The following FAM120B variants were observed in gnomAD, a reference collection of about 807,000 sequenced individuals.
FAM120B encodes the protein constitutive coactivator of peroxisome proliferator-activated receptor gamma.
In FAM120B, 83 loss-of-function variants were observed where a neutral mutation model predicts 96.3. The ratio of observed to expected loss-of-function variants is 0.86; its 90% CI spans 0.72 to 1.03. The LOEUF is 1.03. Ranked by LOEUF, FAM120B falls within the 50% of genes least tolerant of loss-of-function variation. The probability of loss-of-function intolerance (pLI) is 0.00; values close to 1 mark genes in which losing one functional copy is unlikely to be tolerated. For synonymous variants in FAM120B, 407 were observed against 402.7 expected (o/e 1.01, Z -0.13); for missense variants, 1,027 against 1,121.2 (o/e 0.92, Z 1.20).
At chr6:170,390,737 T>C (rs975571587) in intron 7 of FAM120B, among the ~76,000 whole-genome samples, 1 of 152,230 alleles carries the variant, frequency 6.6e-6, no homozygotes, top group African/African-American at 2.4e-5. Flanking sequence ...TTGAAGATTC[T>C]TTTTTAGAAA....
chr6:170,333,782 C>T (rs374353597), intron 4 of FAM120B, among the ~76,000 whole-genome samples: 2 of 151,974 alleles, frequency 1.3e-5, no homozygotes, highest in Admixed American at 6.6e-5. Flanking sequence ...CACTGCCCAG[C>T]GTATGGGCCC....
chr6:170,312,546 CAACAA>C (rs1404165888), intron 1 of FAM120B, among the ~76,000 whole-genome samples: 1 of 152,118 alleles, frequency 6.6e-6, no homozygotes, highest in Non-Finnish European at 1.5e-5. Flanking sequence ...TTCGTTTTAT[CAACAA>C]AACTCTACCC....
At chr6:170,323,356 G>A in intron 3 of FAM120B, 97 bp downstream of exon 3, 1 of 1,018,336 alleles carries the variant, frequency 9.8e-7, no homozygotes, top group South Asian at 1.6e-5. Flanking sequence ...TCAAGACATG[G>A]AGACAATTAA....
chr6:170,291,766 G>C (rs963781890), upstream of FAM120B, among the ~76,000 whole-genome samples: 31 of 152,148 alleles, frequency 2.0e-4, no homozygotes, highest in African/African-American at 7.5e-4. Flanking sequence ...CTCGTGGTCC[G>C]CGGCCACTGG....
intron 8 of FAM120B, among the ~76,000 whole-genome samples, chr6:170,392,364 C>T (rs559658329): frequency 1.1e-3 from 163 of 152,252 alleles, no homozygotes; most frequent in African/African-American, 3.8e-3. Flanking sequence ...TGTGCCACCA[C>T]GCCCGGCTAA....
chr6:170,375,175 GGTT>G (rs1289264034), intron 6 of FAM120B, among the ~76,000 whole-genome samples: 1 of 152,224 alleles, frequency 6.6e-6, no homozygotes, highest in Non-Finnish European at 1.5e-5. Context: ...TCCAATCTGT[GGTT>G]GTTGCTGTAA....
intron 3 of FAM120B, among the ~76,000 whole-genome samples, chr6:170,326,812 C>T (rs12196499): frequency 0.81 from 122,905 of 151,998 alleles, 49,975 homozygotes; most frequent in African/African-American, 0.89. Context: ...CATCACAGCT[C>T]ACTGCAGCCT....
chr6:170,299,416 G>A (rs1583165358), intron 1 of FAM120B, among the ~76,000 whole-genome samples: 2 of 152,298 alleles, frequency 1.3e-5, no homozygotes, highest in East Asian at 1.9e-4. Context: ...CTCTCTTCTT[G>A]AGAGATTATG....
intron 9 of FAM120B, among the ~76,000 whole-genome samples, chr6:170,399,586 C>A (rs1281027640): frequency 6.7e-6 from 1 of 149,974 alleles, no homozygotes; most frequent in Non-Finnish European, 1.5e-5. Flanking sequence ...TGTCATAACC[C>A]TTAGGAGTGA....
At chr6:170,368,282 CCTTTA>C (rs1788929528) in intron 6 of FAM120B, among the ~76,000 whole-genome samples, 1 of 152,160 alleles carries the variant, frequency 6.6e-6, no homozygotes, top group Non-Finnish European at 1.5e-5. Flanking sequence ...CCATGCACTC[CCTTTA>C]CTTCCTGTCT....
intron 4 of FAM120B, among the ~76,000 whole-genome samples, chr6:170,339,087 T>C (rs756983781): frequency 7.9e-5 from 12 of 152,208 alleles, no homozygotes; most frequent in Admixed American, 6.5e-5. Context: ...CATTAGTTGA[T>C]GCAGTTTCTT....
chr6:170,349,285 C>G (rs1222661725), intron 5 of FAM120B, among the ~76,000 whole-genome samples: 1 of 152,194 alleles, frequency 6.6e-6, no homozygotes, highest in East Asian at 1.9e-4. Flanking sequence ...TCTCTGACCT[C>G]CCTATATGGT....
At chr6:170,300,283 C>T (rs186411644) in intron 1 of FAM120B, among the ~76,000 whole-genome samples, 181 of 152,240 alleles carry the variant, frequency 1.2e-3, no homozygotes, top group Non-Finnish European at 2.0e-3. Flanking sequence ...GAGCAAAGGA[C>T]GGGAAAAGCC....
intron 1 of FAM120B, among the ~76,000 whole-genome samples, chr6:170,299,103 A>G (rs1784087463): frequency 6.6e-6 from 1 of 152,248 alleles, no homozygotes; most frequent in South Asian, 2.1e-4. Flanking sequence ...AAGTTTGTGT[A>G]GGATTGCTAT....
intron 5 of FAM120B, among the ~76,000 whole-genome samples, chr6:170,353,219 C>T (rs1787690112): frequency 6.6e-6 from 1 of 151,948 alleles, no homozygotes; most frequent in Non-Finnish European, 1.5e-5. Flanking sequence ...CCTGAGTAGA[C>T]CAATAATGAG....
chr6:170,332,070 T>C (rs1011051069), intron 4 of FAM120B, among the ~76,000 whole-genome samples: 14 of 151,830 alleles, frequency 9.2e-5, no homozygotes, highest in Non-Finnish European at 1.6e-4. Flanking sequence ...GGCCACGTCT[T>C]AAACACACTC....
chr6:170,386,107 G>A (rs1416232524), intron 6 of FAM120B, among the ~76,000 whole-genome samples: 2 of 152,050 alleles, frequency 1.3e-5, no homozygotes, highest in African/African-American at 4.8e-5. Flanking sequence ...GTGAACCCTC[G>A]TGTCAACTGT....
intron 2 of FAM120B, among the ~76,000 whole-genome samples, chr6:170,322,072 G>A (rs974436067): frequency 6.6e-6 from 1 of 152,118 alleles, no homozygotes; most frequent in African/African-American, 2.4e-5. Flanking sequence ...ATATATTCAG[G>A]CTATGATAGC....
At position 170,318,824 on chromosome 6, in the gene FAM120B, C is replaced by T; in HGVS notation, c.1434C>T (p.Gly478=). The change falls in exon 2 of 11, where the codon GGC becomes GGT. Residue 478 remains glycine, a synonymous_variant. Transcript: ENST00000476287. ...GGCAAGAAGTTCCCATGTATACAGG[C>T]CCTGAATCCAGGCAAGAAGTTTTAA... ...ESRQEVPMYT[G]PESRQEVLIR... 1 of 1,614,148 alleles carries T rather than the reference C, an allele frequency of 6.2e-7. No individual in the cohort carries two copies. Among genetic ancestry groups the T allele is most frequent in the Non-Finnish European group, 8.5e-7 (1 of 1,180,034 alleles).
Sources: gnomAD v4.1 joint callset for allele counts (sites outside exome capture counted in the v4.1 genomes callset) on GRCh38, gnomAD v4.1.1 for gene constraint, MANE v1.5 for transcripts, NCBI Gene and HGNC (gene_info 2026-07-23, HGNC 2026-07-21) for gene names.